Variants in TEC observed in about 807,000 individuals in gnomAD.
TEC encodes tyrosine-protein kinase Tec.
Under a neutral mutation model 93.0 loss-of-function variants are expected in TEC, and 72 were observed. That is an observed-to-expected ratio of 0.77 (90% CI 0.64 to 0.94). The LOEUF is 0.94. Ranked by LOEUF, TEC falls within the 40% of genes least tolerant of loss-of-function variation. The probability of loss-of-function intolerance (pLI) is 0.00; values close to 1 mark genes in which losing one functional copy is unlikely to be tolerated. For missense variants in TEC, 630 were observed against 757.9 expected (o/e 0.83, Z 1.98); for synonymous variants, 249 against 247.7 (o/e 1.01, Z -0.05).
At chr4:48,247,643 C>T (rs1028469560) in intron 1 of TEC, among the ~76,000 whole-genome samples, 3 of 152,086 alleles carry the variant, frequency 2.0e-5, no homozygotes, top group African/African-American at 7.2e-5. Flanking sequence ...CAGATAGAAA[C>T]GGCAACAAGT....
chr4:48,221,423 C>T (rs1272951176), intron 2 of TEC, among the ~76,000 whole-genome samples: 6 of 152,130 alleles, frequency 3.9e-5, no homozygotes, highest in African/African-American at 1.4e-4. Flanking sequence ...TGCCACCATG[C>T]GAAGAGGTAT....
At chr4:48,192,819 A>G (rs1722138939) in intron 2 of TEC, among the ~76,000 whole-genome samples, 1 of 152,218 alleles carries the variant, frequency 6.6e-6, no homozygotes, top group African/African-American at 2.4e-5. Flanking sequence ...AATGAAAATG[A>G]GTAATAAATA....
intron 2 of TEC, among the ~76,000 whole-genome samples, chr4:48,222,770 C>T (rs1441448542): frequency 1.3e-5 from 2 of 152,158 alleles, no homozygotes; most frequent in African/African-American, 4.8e-5. Context: ...CGCAGGCCTT[C>T]AGACTCAGAC....
At chr4:48,160,111 G>A (rs1461526748) in intron 8 of TEC, among the ~76,000 whole-genome samples, 1 of 152,170 alleles carries the variant, frequency 6.6e-6, no homozygotes, top group African/African-American at 2.4e-5. Context: ...AGGTTAAGTA[G>A]TATTATCACC....
intron 1 of TEC, among the ~76,000 whole-genome samples, chr4:48,265,808 C>T (rs556798178): frequency 1.2e-4 from 19 of 152,172 alleles, no homozygotes; most frequent in African/African-American, 2.2e-4. Flanking sequence ...CCACTGCGCC[C>T]GGCCACCAAT....
chr4:48,255,961 C>T (rs1340528003), intron 1 of TEC, among the ~76,000 whole-genome samples: 1 of 152,160 alleles, frequency 6.6e-6, no homozygotes, highest in Non-Finnish European at 1.5e-5. Context: ...ACTGAGGACA[C>T]AATGCAGAGG....
At chr4:48,252,973 G>A (rs1305748899) in intron 1 of TEC, among the ~76,000 whole-genome samples, 1 of 152,112 alleles carries the variant, frequency 6.6e-6, no homozygotes. Flanking sequence ...ACATCAAATT[G>A]GTTCCTTGTA....
chr4:48,214,764 G>A (rs1177597185), intron 2 of TEC, among the ~76,000 whole-genome samples: 1 of 152,110 alleles, frequency 6.6e-6, no homozygotes, highest in Non-Finnish European at 1.5e-5. Context: ...TGACATGGGA[G>A]GATTGCTTGA....
At chr4:48,197,107 C>T (rs367725465) in intron 2 of TEC, among the ~76,000 whole-genome samples, 13 of 152,170 alleles carry the variant, frequency 8.5e-5, no homozygotes, top group African/African-American at 2.2e-4. Context: ...GCTGTCTTGA[C>T]GGCTAAGTCA....
chr4:48,219,633 T>TTC lies in TEC; in HGVS notation c.138+8842_138+8843dup, dbSNP rs374194072. On this transcript the variant is annotated intron_variant, in intron 2 of 17. Transcript: ENST00000381501. ...GAAGAAAACGCTGACGTATGCTGCC[T>TTC]TCTCTCTCTCTCTCTGCTTCAGCTA... is the stretch of plus-strand genomic sequence containing the variant. 3.3e-4 allele frequency among the ~76,000 whole-genome samples: 49 copies of TTC among 150,574 alleles called. No homozygotes were observed. The East Asian group carries it at 5.4e-3, about 17-fold the overall frequency.
chr4:48,176,081 C>T lies in TEC; in HGVS notation c.243+1G>A. The T allele has an allele frequency of 6.2e-7, 1 of 1,611,316 alleles. No individual in the cohort carries two copies. The highest frequency in any genetic ancestry group is 1.3e-5 in the African/African-American group (1 of 74,980). On this transcript the variant is annotated splice_donor_variant, in intron 3 of 17. Transcript: ENST00000381501. LOFTEE classifies it high-confidence loss of function. ...ACTGCCACAAAAATACACCAGCTCA[C>T]CTGAAATGGATACTTATTTTGACAG...
At chr4:48,159,634 C>T (rs2109529726) in intron 8 of TEC, among the ~76,000 whole-genome samples, 1 of 151,694 alleles carries the variant, frequency 6.6e-6, no homozygotes, top group East Asian at 1.9e-4. Flanking sequence ...TGGCAACCTG[C>T]CCCTCCTGGG....
At chr4:48,269,366 AAG>A (rs1332445482) in intron 1 of TEC, among the ~76,000 whole-genome samples, 1 of 152,254 alleles carries the variant, frequency 6.6e-6, no homozygotes, top group Non-Finnish European at 1.5e-5. Flanking sequence ...CCCAACCCGA[AAG>A]GAGGCATCAG....
At chr4:48,163,243 GTAT>G (rs1720747611) in intron 8 of TEC, among the ~76,000 whole-genome samples, 1 of 152,130 alleles carries the variant, frequency 6.6e-6, no homozygotes, top group African/African-American at 2.4e-5. Flanking sequence ...ATATTAAAGT[GTAT>G]GAGGAAATAA....
At chr4:48,269,234 C>G (rs1316585889) in intron 1 of TEC, among the ~76,000 whole-genome samples, 1 of 152,150 alleles carries the variant, frequency 6.6e-6, no homozygotes, top group Non-Finnish European at 1.5e-5. Context: ...ATGTGCACAA[C>G]GTGCAGGTTT....
intron 10 of TEC, 109 bp from the exon 11 acceptor site, chr4:48,149,799 A>G (rs1720081066): frequency 9.4e-7 from 1 of 1,067,138 alleles, no homozygotes; most frequent in South Asian, 2.4e-5. Context: ...GATCCCATCT[A>G]TTCCTGGCAC....
chr4:48,199,399 T>C (rs759420622), intron 2 of TEC, among the ~76,000 whole-genome samples: 1 of 151,172 alleles, frequency 6.6e-6, no homozygotes, highest in South Asian at 2.1e-4. Flanking sequence ...CTGGATTCCA[T>C]TCAATCACTC....
chr4:48,204,698 T>C (rs1722644970), intron 2 of TEC, among the ~76,000 whole-genome samples: 1 of 152,182 alleles, frequency 6.6e-6, no homozygotes, highest in Non-Finnish European at 1.5e-5. Context: ...TAGGTTTTCA[T>C]AAGGAGCACA....
intron 1 of TEC, among the ~76,000 whole-genome samples, chr4:48,240,345 G>A (rs1318203906): frequency 6.6e-6 from 1 of 152,124 alleles, no homozygotes; most frequent in Admixed American, 6.6e-5. Flanking sequence ...GAAGAGAAAG[G>A]AGGGAGGGGG....
Sources: gnomAD v4.1 joint callset for allele counts (sites outside exome capture counted in the v4.1 genomes callset) on GRCh38, gnomAD v4.1.1 for gene constraint, MANE v1.5 for transcripts, NCBI Gene and HGNC (gene_info 2026-07-23, HGNC 2026-07-21) for gene names.